The following RHOB variants were observed in gnomAD, a reference collection of about 807,000 sequenced individuals.
RHOB encodes the protein ras homolog family member B.
A neutral mutation model predicts 12.9 loss-of-function variants in RHOB; 6 were observed. The ratio of observed to expected loss-of-function variants is 0.47; its 90% CI spans 0.25 to 0.92. The LOEUF (loss-of-function observed/expected upper bound fraction) is 0.92. Ranked by LOEUF, RHOB falls within the 40% of genes least tolerant of loss-of-function variation. The pLI, the probability that RHOB is intolerant of heterozygous loss-of-function variation, is 0.16. For missense variants in RHOB, 142 were observed against 277.9 expected, an observed-to-expected ratio of 0.51 and a Z score of 3.48; for synonymous variants, 168 against 122.1, an observed-to-expected ratio of 1.38 and a Z score of -2.48.
At position 20,448,147 on chromosome 2, in the gene RHOB, C is replaced by T. The variant is rs1270095137; in HGVS notation, c.*91C>T. The T allele has an allele frequency of 4.4e-6, 5 of 1,138,540 alleles. No individual in the cohort carries two copies. In the African/African-American group the frequency reaches 7.8e-5, roughly 18 times the overall value. The allele number at this position is 1,138,540 out of a possible 1,614,324, so 70.5% of individuals were successfully genotyped here. A position where few individuals can be genotyped will look rare whatever the true frequency, so the allele number is the denominator to read the frequency against. ...CCCGGAGAAGGGGAGACCCGTGTCC[C>T]ACAAGGACCCCACCGGCCTGCCTGG... On this transcript the variant is annotated 3_prime_UTR_variant, in exon 1 of 1. Coordinates refer to ENST00000272233, the MANE Select transcript of RHOB (RefSeq NM_004040.4).
rs3180120 is a variant in RHOB, at chr2:20,449,434, A to C, written c.*1378A>C. 6.0e-6 allele frequency: 1 copy of C among 167,128 alleles called. No individual in the cohort carries two copies. The highest frequency in any genetic ancestry group is 2.4e-5 in the African/African-American group (1 of 41,574). The allele number at this position is 167,128 out of a possible 1,614,324, so 10.4% of individuals were successfully genotyped here. A position where few individuals can be genotyped will look rare whatever the true frequency, so the allele number is the denominator to read the frequency against. On this transcript the variant is annotated 3_prime_UTR_variant, in exon 1 of 1. Coordinates refer to ENST00000272233, the MANE Select transcript of RHOB (RefSeq NM_004040.4). ...AAAATATTAAAAGACTATGATGATG[A>C]CATTTATAAAATGGCTCTTGTGGTT...
In RHOB at chr2:20,448,754, C is replaced by G. The variant is rs115786444; in HGVS notation, c.*698C>G. 1 of 166,954 alleles carries G rather than the reference C, an allele frequency of 6.0e-6. No individual in the cohort carries two copies. The highest frequency in any genetic ancestry group is 1.5e-5 in the Non-Finnish European group (1 of 68,128). 10.3% of individuals were successfully genotyped at this position (166,954 alleles called of 1,614,324 possible). On this transcript the variant is annotated 3_prime_UTR_variant, in exon 1 of 1. Transcript: ENST00000272233. ...GCCTCTCCTGCGGGCCAGCCCGCTG[C>G]GAACCCTCCACCAGCTACCGGAGGG...
rs1162133084 is a variant in RHOB, at chr2:20,448,112, C to A, written c.*56C>A. Reference sequence around the variant, plus strand: ...GCACGGCTCCCCCTCCTGGACCAGTCCCCCGCGAGCCCGGAGAAGGGGAGA... The same window carrying A: ...GCACGGCTCCCCCTCCTGGACCAGTACCCCGCGAGCCCGGAGAAGGGGAGA... On this transcript the variant is annotated 3_prime_UTR_variant, in exon 1 of 1. Transcript: ENST00000272233. 8 of 1,442,274 alleles carry A rather than the reference C, an allele frequency of 5.5e-6. No homozygotes were observed. In the Admixed American group the frequency reaches 6.1e-5, roughly 11 times the overall value. 89.3% of individuals were successfully genotyped at this position (1,442,274 alleles called of 1,614,324 possible). A position where few individuals can be genotyped will look rare whatever the true frequency, so the allele number is the denominator to read the frequency against.
chr2:20,447,859 G>T lies in RHOB; in HGVS notation c.394G>T (p.Ala132Ser). 2 of 1,613,610 alleles carry T rather than the reference G, an allele frequency of 1.2e-6. No homozygotes were observed. Among genetic ancestry groups the T allele is most frequent in the East Asian group, 2.2e-5 (1 of 44,862 alleles). ...RSDEHVRTEL[A>S]RMKQEPVRTD... ...CGACGAGCATGTCCGCACAGAGCTG[G>T]CCCGCATGAAGCAGGAACCCGTGCG... The change falls in exon 1 of 1, where the codon GCC becomes TCC. Residue 132 changes from alanine to serine, a missense_variant. Physicochemically the swap from Ala to Ser is moderately conservative, Grantham distance 99. Around this residue, in one of 2 missense-constraint regions of RHOB, gnomAD observed 113 missense variants for 166.3 expected, o/e 0.68. Transcript: ENST00000272233.
chr2:20,447,276 T>A lies in RHOB; in HGVS notation c.-190T>A, dbSNP rs1291721351. The A allele has an allele frequency of 2.3e-6, 1 of 434,508 alleles. No individual in the cohort carries two copies. The highest frequency in any genetic ancestry group is 4.0e-6 in the Non-Finnish European group (1 of 251,556). 26.9% of individuals were successfully genotyped at this position (434,508 alleles called of 1,614,324 possible). A position where few individuals can be genotyped will look rare whatever the true frequency, so the allele number is the denominator to read the frequency against. ...GCGGCGAGACGCACGGTGCGCCCTA[T>A]GCCCCCGCGCCCCCACCGCCCCCGC... is the stretch of plus-strand genomic sequence containing the variant. On this transcript the variant is annotated 5_prime_UTR_variant, in exon 1 of 1. It removes an upstream start codon present in the reference 5' UTR. Transcript: ENST00000272233.
rs1483307545 is a variant in RHOB at position 20,447,134 on chromosome 2, C to G, written c.-332C>G. ...GTATGCTCAGCGAGGCCCGGAGAGACCCGGGAGAGAGCTAGGCCGAGTCCA... is the reference window on the plus strand; with the variant it reads ...GTATGCTCAGCGAGGCCCGGAGAGAGCCGGGAGAGAGCTAGGCCGAGTCCA... On this transcript the variant is annotated 5_prime_UTR_variant, in exon 1 of 1. Coordinates refer to ENST00000272233, the MANE Select transcript of RHOB (RefSeq NM_004040.4). The G allele has an allele frequency of 3.9e-6, 1 of 257,862 alleles. No individual in the cohort carries two copies. The highest frequency in any genetic ancestry group is 7.3e-6 in the Non-Finnish European group (1 of 136,892). 16.0% of individuals were successfully genotyped at this position (257,862 alleles called of 1,614,324 possible).
rs964798914 is a variant in RHOB, at chr2:20,448,141, G to C, written c.*85G>C. On this transcript the variant is annotated 3_prime_UTR_variant, in exon 1 of 1. Transcript: ENST00000272233. The stretch of plus-strand genomic sequence containing the variant: ...CGCGAGCCCGGAGAAGGGGAGACCC[G>C]TGTCCCACAAGGACCCCACCGGCCT... The C allele has an allele frequency of 1.6e-5, 20 of 1,224,788 alleles. No individual in the cohort carries two copies. The highest frequency in any genetic ancestry group is 2.2e-5 in the Non-Finnish European group (19 of 879,588). 75.9% of individuals were successfully genotyped at this position (1,224,788 alleles called of 1,614,324 possible). A position where few individuals can be genotyped will look rare whatever the true frequency, so the allele number is the denominator to read the frequency against.
rs1691035973 is a variant in RHOB, at chr2:20,448,081, C to A, written c.*25C>A. 1.3e-6 allele frequency: 2 copies of A among 1,570,102 alleles called. No individual in the cohort carries two copies. The highest frequency in any genetic ancestry group is 8.7e-7 in the Non-Finnish European group (1 of 1,150,306). On this transcript the variant is annotated 3_prime_UTR_variant, in exon 1 of 1. Transcript: ENST00000272233. The stretch of plus-strand genomic sequence containing the variant: ...AGGGCCGCGCCCGTCGCGCCTGCCC[C>A]TGCCGGCACGGCTCCCCCTCCTGGA...
rs780381797 is a variant in RHOB at position 20,448,845 on chromosome 2, A to C, written c.*789A>C. 7.2e-5 allele frequency: 12 copies of C among 167,168 alleles called. No individual in the cohort carries two copies. Among genetic ancestry groups the C allele is most frequent in the Non-Finnish European group, 1.2e-4 (8 of 68,132 alleles). The allele number at this position is 167,168 out of a possible 1,614,324, so 10.4% of individuals were successfully genotyped here. ...GAACTTTGTGCCTGTCCTAGAAGTG[A>C]AAATTGTTCAGTCCAAGAAACTGAT... On this transcript the variant is annotated 3_prime_UTR_variant, in exon 1 of 1. Coordinates refer to ENST00000272233, the MANE Select transcript of RHOB (RefSeq NM_004040.4).
chr2:20,448,665 C>T lies in RHOB; in HGVS notation c.*609C>T, dbSNP rs183777378. ...CCGCCCAAGCATGAACAGGACTTGA[C>T]CATCTTTCCAACCCCTGGGGAAGAC... On this transcript the variant is annotated 3_prime_UTR_variant, in exon 1 of 1. Coordinates refer to ENST00000272233, the MANE Select transcript of RHOB (RefSeq NM_004040.4). The T allele has an allele frequency of 6.0e-6, 1 of 167,202 alleles. No individual in the cohort carries two copies. The highest frequency in any genetic ancestry group is 2.4e-5 in the African/African-American group (1 of 41,458). The allele number at this position is 167,202 out of a possible 1,614,324, so 10.4% of individuals were successfully genotyped here.
Position 20,447,532 on chromosome 2 carries a change from A to G in RHOB, c.67A>G (p.Ile23Val). ...CGCGTGTGGCAAGACGTGCCTGCTG[A>G]TCGTGTTCAGTAAGGACGAGTTCCC... ...DGACGKTCLL[I>V]VFSKDEFPEV... is the part of the protein sequence containing the mutation. The change falls in exon 1 of 1, where the codon ATC (isoleucine) becomes GTC (valine). Residue 23 changes from isoleucine to valine, a missense_variant. By Grantham distance (29) the Ile-to-Val change is conservative (BLOSUM62 3). This residue lies in a region of RHOB where 29 missense variants were observed against 111.5 expected (regional missense o/e 0.26). Transcript: ENST00000272233. 1 of 1,614,092 alleles carries G rather than the reference A, an allele frequency of 6.2e-7. No individual in the cohort carries two copies.
chr2:20,448,208 C>T lies in RHOB; in HGVS notation c.*152C>T, dbSNP rs938595473. On this transcript the variant is annotated 3_prime_UTR_variant, in exon 1 of 1. Transcript: ENST00000272233. ...CTGACGCCTCTGGCTTGCGCCAGGA[C>T]TTGGCGTGGGCACCGGGCGCCCCCA... 1.4e-6 allele frequency: 1 copy of T among 717,046 alleles called. No homozygotes were observed. Among genetic ancestry groups the T allele is most frequent in the Admixed American group, 2.9e-5 (1 of 34,070 alleles). The allele number at this position is 717,046 out of a possible 1,614,324, so 44.4% of individuals were successfully genotyped here.
At position 20,448,239 on chromosome 2, in the gene RHOB, G is replaced by A. The variant is rs182696067; in HGVS notation, c.*183G>A. On this transcript the variant is annotated 3_prime_UTR_variant, in exon 1 of 1. Coordinates refer to ENST00000272233, the MANE Select transcript of RHOB (RefSeq NM_004040.4). ...GTGGGCACCGGGCGCCCCCATCCCA[G>A]TGTCTGTGTGCGTCCAGCTGTGTTG... 350 of 623,106 alleles carry A rather than the reference G, an allele frequency of 5.6e-4. No homozygotes were observed. Among genetic ancestry groups the A allele is most frequent in the Non-Finnish European group, 6.9e-4 (239 of 344,984 alleles). 38.6% of individuals were successfully genotyped at this position (623,106 alleles called of 1,614,324 possible). A position where few individuals can be genotyped will look rare whatever the true frequency, so the allele number is the denominator to read the frequency against.
rs773507358 is a variant in RHOB at position 20,449,382 on chromosome 2, A to C, written c.*1326A>C. 6.0e-6 allele frequency: 1 copy of C among 167,070 alleles called. No homozygotes were observed. The highest frequency in any genetic ancestry group is 1.5e-5 in the Non-Finnish European group (1 of 68,124). The allele number at this position is 167,070 out of a possible 1,614,324, so 10.3% of individuals were successfully genotyped here. On this transcript the variant is annotated 3_prime_UTR_variant, in exon 1 of 1. Coordinates refer to ENST00000272233, the MANE Select transcript of RHOB (RefSeq NM_004040.4). ...CTTATGATGTTTACATAAAAGTTCTATAAGCTGTGTATACAGTTTTTTATG... is the reference window on the plus strand; with the variant it reads ...CTTATGATGTTTACATAAAAGTTCTCTAAGCTGTGTATACAGTTTTTTATG...
Position 20,449,028 on chromosome 2 carries a change from A to G in RHOB, c.*972A>G, listed in dbSNP as rs747569087. On this transcript the variant is annotated 3_prime_UTR_variant, in exon 1 of 1. Transcript: ENST00000272233. ...CATCTACTTCTGATGTTTTTAAAAAATGACTTTTAACAAGGAGAGGGAAAA... is the reference window on the plus strand; with the variant it reads ...CATCTACTTCTGATGTTTTTAAAAAGTGACTTTTAACAAGGAGAGGGAAAA... 3.0e-5 allele frequency: 5 copies of G among 167,148 alleles called. No homozygotes were observed. The highest frequency in any genetic ancestry group is 7.3e-5 in the Non-Finnish European group (5 of 68,124). 10.4% of individuals were successfully genotyped at this position (167,148 alleles called of 1,614,324 possible).
chr2:20,447,217 G>A lies in RHOB; in HGVS notation c.-249G>A. 1 of 361,980 alleles carries A rather than the reference G, an allele frequency of 2.8e-6. No individual in the cohort carries two copies. The highest frequency in any genetic ancestry group is 4.9e-6 in the Non-Finnish European group (1 of 204,660). The allele number at this position is 361,980 out of a possible 1,614,324, so 22.4% of individuals were successfully genotyped here. A position where few individuals can be genotyped will look rare whatever the true frequency, so the allele number is the denominator to read the frequency against. On this transcript the variant is annotated 5_prime_UTR_variant, in exon 1 of 1. Coordinates refer to ENST00000272233, the MANE Select transcript of RHOB (RefSeq NM_004040.4). ...GCACAAAGCCGCCGATCCCCGGCCT[G>A]GGGTGAGCAGAGCGACCACCGCCCG...
Position 20,449,432 on chromosome 2 carries a change from TGAC to T in RHOB, c.*1377_*1379del, listed in dbSNP as rs1190771709. The T allele has an allele frequency of 6.6e-5, 11 of 167,178 alleles. No homozygotes were observed. The highest frequency in any genetic ancestry group is 1.9e-4 in the African/African-American group (8 of 41,598). 10.4% of individuals were successfully genotyped at this position (167,178 alleles called of 1,614,324 possible). A position where few individuals can be genotyped will look rare whatever the true frequency, so the allele number is the denominator to read the frequency against. On this transcript the variant is annotated 3_prime_UTR_variant, in exon 1 of 1. Transcript: ENST00000272233. ...GTAAAATATTAAAAGACTATGATGA[TGAC>T]ATTTATAAAATGGCTCTTGTGGTTT...
rs1691039130 is a variant in RHOB at position 20,448,183 on chromosome 2, CTGACGCCTCTGGCT to C, written c.*130_*143del. ...CACCGGCCTGCCTGGCATCTGTCTG[CTGACGCCTCTGGCT>C]TGCGCCAGGACTTGGCGTGGGCACC... On this transcript the variant is annotated 3_prime_UTR_variant, in exon 1 of 1. Coordinates refer to ENST00000272233, the MANE Select transcript of RHOB (RefSeq NM_004040.4). The C allele has an allele frequency of 1.3e-5, 11 of 844,272 alleles. No individual in the cohort carries two copies. The highest frequency in any genetic ancestry group is 2.0e-5 in the Non-Finnish European group (11 of 546,244). 52.3% of individuals were successfully genotyped at this position (844,272 alleles called of 1,614,324 possible).
rs187327344 is a variant in RHOB at position 20,448,489 on chromosome 2, C to G, written c.*433C>G. On this transcript the variant is annotated 3_prime_UTR_variant, in exon 1 of 1. Transcript: ENST00000272233. Reference sequence around the variant, plus strand: ...GGAGCTTGATATCCCTTGTCTGTAACATAGACCCCGGGTACTGCGGGAGGG... The same window carrying G: ...GGAGCTTGATATCCCTTGTCTGTAAGATAGACCCCGGGTACTGCGGGAGGG... 1.9e-3 allele frequency: 346 copies of G among 183,320 alleles called. 1 individual carries two copies. The highest frequency in any genetic ancestry group is 5.6e-3 in the Middle Eastern group (2 of 358). The allele number at this position is 183,320 out of a possible 1,614,324, so 11.4% of individuals were successfully genotyped here. A position where few individuals can be genotyped will look rare whatever the true frequency, so the allele number is the denominator to read the frequency against.
Sources: gnomAD v4.1 joint callset for allele counts on GRCh38, gnomAD v4.1.1 for gene constraint, gnomAD v4.1.1 regional missense constraint, MANE v1.5 for transcripts, NCBI Gene and HGNC (gene_info 2026-07-23, HGNC 2026-07-21) for gene names.